Variants in CYSLTR1 observed in about 807,000 individuals in gnomAD.
CYSLTR1 encodes the protein G-protein coupled receptor HG55.
CYSLTR1 carries 1 observed loss-of-function variant against 2.1 expected under a neutral mutation model. The observed-to-expected ratio is 0.48, with a 90% CI of 0.17 to 2.28. The LOEUF (loss-of-function observed/expected upper bound fraction) is 2.28, where lower values mean the gene tolerates loss of function less well. CYSLTR1 is among the 30% of genes most tolerant of loss of function. The pLI, the probability that CYSLTR1 is intolerant of heterozygous loss-of-function variation, is 0.26. For synonymous variants in CYSLTR1, 110 were observed against 89.6 expected (o/e 1.23, Z -1.28); for missense variants, 299 against 250.1 (o/e 1.20, Z -1.32).
rs199711042 is a variant in CYSLTR1 at position 78,273,457 on chromosome X, C to T, written c.290G>A (p.Arg97His). The change falls in exon 3 of 3, where the codon CGC becomes CAC. Residue 97 changes from arginine (R) to histidine (H), a missense_variant. Transcript: ENST00000373304. ...GIWLFGDFLC[R>H]LSTYALYVNL... ...GACATACAAAGCATAGGTGCTGAGGCGGCACAAGAAGTCACCAAAGAGCCA... is the reference window on the plus strand; with the variant it reads ...GACATACAAAGCATAGGTGCTGAGGTGGCACAAGAAGTCACCAAAGAGCCA... 49 of 1,209,577 alleles carry T rather than the reference C, an allele frequency of 4.1e-5. No individual in the cohort carries two copies. The highest frequency in any genetic ancestry group is 8.8e-5 in the African/African-American group (5 of 57,138).
chrX:78,315,638 A>G (rs1275827961), intron 1 of CYSLTR1, among the ~76,000 whole-genome samples: 1 of 111,378 alleles, frequency 9.0e-6, no homozygotes, highest in East Asian at 2.8e-4. Flanking sequence ...CCATGGGTCT[A>G]TAGTTATGGT....
chrX:78,304,401 A>C (rs1290903659), intron 1 of CYSLTR1, among the ~76,000 whole-genome samples: 2 of 111,194 alleles, frequency 1.8e-5, no homozygotes, highest in African/African-American at 6.5e-5. Flanking sequence ...GTGGCGTGCC[A>C]GGTTTCACTA....
At chrX:78,310,898 G>A (rs994427956) in intron 1 of CYSLTR1, among the ~76,000 whole-genome samples, 2 of 110,369 alleles carry the variant, frequency 1.8e-5, no homozygotes, top group African/African-American at 6.6e-5. Flanking sequence ...GGGTGTGTGG[G>A]CGTGTGTGTG....
intron 2 of CYSLTR1, among the ~76,000 whole-genome samples, chrX:78,275,084 T>G: frequency 9.0e-6 from 1 of 111,137 alleles, no homozygotes; most frequent in Non-Finnish European, 1.9e-5. Flanking sequence ...AAACAACAGG[T>G]GCTGGAGAGG....
chrX:78,324,450 C>T (rs1923790116), intron 1 of CYSLTR1, among the ~76,000 whole-genome samples: 7 of 111,856 alleles, frequency 6.3e-5, no homozygotes, highest in Admixed American at 3.8e-4. Context: ...TCACTGCGAC[C>T]TCCACCACCC....
chrX:78,286,687 G>A (rs1295765014), intron 1 of CYSLTR1, among the ~76,000 whole-genome samples: 2 of 89,705 alleles, frequency 2.2e-5, no homozygotes, highest in Non-Finnish European at 4.2e-5. Flanking sequence ...TCCCCTTCCT[G>A]TGTCCATATG....
At chrX:78,290,392 G>T (rs1439459491) in intron 1 of CYSLTR1, among the ~76,000 whole-genome samples, 2 of 111,834 alleles carry the variant, frequency 1.8e-5, no homozygotes, top group Non-Finnish European at 3.8e-5. Flanking sequence ...AAGTCAGGTA[G>T]TGTGATGCCT....
intron 1 of CYSLTR1, among the ~76,000 whole-genome samples, chrX:78,292,795 G>A (rs182571320): frequency 2.0e-3 from 204 of 104,589 alleles, no homozygotes; most frequent in Middle Eastern, 0.014. Flanking sequence ...TGCAACCCCT[G>A]CTGTTTTTTT....
intron 1 of CYSLTR1, among the ~76,000 whole-genome samples, chrX:78,293,235 G>T (rs1484747203): frequency 9.1e-6 from 1 of 109,823 alleles, no homozygotes. Context: ...CTTTACTTAT[G>T]AAGCTTAGTT....
intron 2 of CYSLTR1, among the ~76,000 whole-genome samples, chrX:78,279,458 C>T (rs1359825387): frequency 1.8e-5 from 2 of 111,153 alleles, no homozygotes; most frequent in Non-Finnish European, 3.8e-5. Context: ...TAATAGATGT[C>T]GGCGAGTTTG....
rs974502906 is a variant in CYSLTR1, at chrX:78,306,325, G to A, written c.-115+20980C>T. ...ATTACAGGTGCCCGCCACCATGCCC[G>A]GCTAATTTTTGTATTTTTAGTAGAG... On this transcript the variant is annotated intron_variant, in intron 1 of 2. Transcript: ENST00000373304. Among the ~76,000 whole-genome samples the A allele has an allele frequency of 3.2e-4, 35 of 110,260 alleles. No homozygotes were observed. The Middle Eastern group carries it at 0.019, about 58-fold the overall frequency.
chrX:78,303,715 G>A (rs889360441), intron 1 of CYSLTR1, among the ~76,000 whole-genome samples: 22 of 111,844 alleles, frequency 2.0e-4, no homozygotes, highest in South Asian at 1.9e-3. Context: ...CAATTGTTGC[G>A]TGGACAAAGA....
intron 2 of CYSLTR1, among the ~76,000 whole-genome samples, chrX:78,281,135 T>G (rs1157201149): frequency 8.9e-6 from 1 of 111,816 alleles, no homozygotes; most frequent in African/African-American, 3.3e-5. Flanking sequence ...GATAGTTCTA[T>G]TTTTAGCTCT....
chrX:78,306,107 T>C (rs186841962), intron 1 of CYSLTR1, among the ~76,000 whole-genome samples: 2 of 112,642 alleles, frequency 1.8e-5, no homozygotes, highest in East Asian at 5.6e-4. Flanking sequence ...AAACATCACA[T>C]GTTCTCACTT....
intron 1 of CYSLTR1, among the ~76,000 whole-genome samples, chrX:78,284,809 A>C (rs1483614210): frequency 9.0e-6 from 1 of 111,186 alleles, no homozygotes; most frequent in Non-Finnish European, 1.9e-5. Context: ...GCAAAAATAA[A>C]AAATATAGTC....
chrX:78,300,543 CAT>C (rs1270595562), intron 1 of CYSLTR1, among the ~76,000 whole-genome samples: 2 of 112,900 alleles, frequency 1.8e-5, no homozygotes, highest in Non-Finnish European at 3.7e-5. Flanking sequence ...CTTTCAGACA[CAT>C]AGAGGTTCCT....
intron 1 of CYSLTR1, among the ~76,000 whole-genome samples, chrX:78,315,885 T>A (rs1279777903): frequency 1.8e-5 from 2 of 111,674 alleles, no homozygotes; most frequent in Admixed American, 9.4e-5. Flanking sequence ...ACCTGCTGAT[T>A]ATAGATCCCC....
intron 2 of CYSLTR1, 123 bp from the exon 3 acceptor site, chrX:78,273,896 G>A: frequency 1.8e-6 from 1 of 568,823 alleles, no homozygotes; most frequent in Non-Finnish European, 2.7e-6. Context: ...AGAGTAGTGA[G>A]GCATTGAGGA....
At chrX:78,323,359 G>A (rs951317405) in intron 1 of CYSLTR1, among the ~76,000 whole-genome samples, 2 of 111,712 alleles carry the variant, frequency 1.8e-5, no homozygotes, top group Non-Finnish European at 3.8e-5. Context: ...TTGTTCTCTA[G>A]GAGATTGCTT....
Sources: allele counts gnomAD v4.1 joint callset (sites outside exome capture counted in the v4.1 genomes callset), GRCh38; gene constraint gnomAD v4.1.1; transcripts MANE v1.5; gene names NCBI Gene and HGNC (gene_info 2026-07-23, HGNC 2026-07-21).